Variants in XIST observed in about 807,000 individuals in gnomAD.
XIST encodes X inactive specific transcript (non-protein coding).
At chrX:73,841,658 G>T in exon 1 of XIST, 1 of 547,461 alleles carries the variant, frequency 1.8e-6, no homozygotes, top group Non-Finnish European at 3.3e-6. Flanking sequence ...ATATCCAAAA[G>T]AATATTTAAT....
exon 6 of XIST, chrX:73,825,902 T>G (rs749118483): frequency 1.8e-6 from 1 of 557,629 alleles, no homozygotes. Flanking sequence ...AAGGAAAGTA[T>G]TAAACATGCT....
At chrX:73,822,779 G>A (rs758774337) in exon 6 of XIST, 1 of 551,597 alleles carries the variant, frequency 1.8e-6, no homozygotes, top group African/African-American at 2.3e-5. Flanking sequence ...ATACTCGTAT[G>A]AACGAAAAAA....
At chrX:73,843,975 G>C in exon 1 of XIST, 2 of 558,667 alleles carry the variant, frequency 3.6e-6, no homozygotes, top group Non-Finnish European at 6.5e-6. Flanking sequence ...GAGGGAAACA[G>C]TATACCCCAC....
exon 6 of XIST, chrX:73,827,496 G>A (rs1256274311): frequency 1.9e-6 from 1 of 537,735 alleles, no homozygotes; most frequent in East Asian, 3.4e-5. Context: ...AGGCACGCAG[G>A]GGAGGAGAGA....
At chrX:73,838,234 C>T (rs1922520701) in intron 1 of XIST, among the ~76,000 whole-genome samples, 1 of 110,915 alleles carries the variant, frequency 9.0e-6, no homozygotes, top group Admixed American at 9.6e-5. Context: ...GGTAAAGTAA[C>T]ATAGATAATT....
intron 3 of XIST, among the ~76,000 whole-genome samples, chrX:73,832,757 C>G (rs968608127): frequency 9.0e-6 from 1 of 111,543 alleles, no homozygotes; most frequent in African/African-American, 3.3e-5. Flanking sequence ...CTTGCCCTTA[C>G]AGACCTCACT....
exon 1 of XIST, chrX:73,845,869 AAATAT>A (rs753387915): frequency 1.1e-5 from 6 of 555,917 alleles, no homozygotes; most frequent in Admixed American, 4.5e-5. Flanking sequence ...GAACCCAGAC[AAATAT>A]AATCACGCAC....
chrX:73,845,398 C>T lies in XIST; in HGVS notation n.7326G>A, dbSNP rs748907245. On this transcript the variant is annotated non_coding_transcript_exon_variant, in exon 1 of 6. Transcript: ENST00000429829. Reference sequence around the variant, plus strand: ...ATGGGATGGGCCATGTGCAGTTATGCACATTCATGTCCAAGGTGAGTGCCT... The same window carrying T: ...ATGGGATGGGCCATGTGCAGTTATGTACATTCATGTCCAAGGTGAGTGCCT... The T allele has an allele frequency of 9.0e-5, 50 of 555,655 alleles. No individual in the cohort carries two copies. In the East Asian group the frequency reaches 1.6e-3, roughly 18 times the overall value. 45.8% of individuals were successfully genotyped at this position (555,655 alleles called of 1,213,427 possible). A position where few individuals can be genotyped will look rare whatever the true frequency, so the allele number is the denominator to read the frequency against.
intron 5 of XIST, chrX:73,828,172 CA>C (rs1227391092): frequency 7.9e-5 from 31 of 393,522 alleles, no homozygotes; most frequent in Non-Finnish European, 1.2e-4. Flanking sequence ...ACAATAATAA[CA>C]ACCACCAATA....
exon 6 of XIST, chrX:73,821,033 T>C: frequency 1.8e-6 from 1 of 559,157 alleles, no homozygotes; most frequent in Non-Finnish European, 3.2e-6. Flanking sequence ...CCAGAAACTG[T>C]GAAAGGAAGG....
intron 5 of XIST, chrX:73,828,278 T>C (rs752417513): frequency 4.0e-6 from 1 of 251,836 alleles, no homozygotes; most frequent in Admixed American, 6.2e-5. Context: ...CTGATAGTGC[T>C]AGTGGTCACT....
In XIST at chrX:73,829,017, T is replaced by C. The variant is rs2147698435; in HGVS notation, n.11916+51A>G. The C allele has an allele frequency of 7.8e-6, 4 of 512,784 alleles. No homozygotes were observed. In the South Asian group the frequency reaches 8.5e-5, roughly 11 times the overall value. The allele number at this position is 512,784 out of a possible 1,213,427, so 42.3% of individuals were successfully genotyped here. A position where few individuals can be genotyped will look rare whatever the true frequency, so the allele number is the denominator to read the frequency against. ...AACACCAGCTCCCAAAAAACAGCTG[T>C]TATAACAGTTCTGAAGTGATCCTCA... On this transcript the variant is annotated intron_variant and non_coding_transcript_variant, in intron 5 of 5. Coordinates refer to ENST00000429829, the Ensembl canonical transcript of XIST.
rs768423110 is a variant in XIST at position 73,823,646 on chromosome X, A to G, written n.16255T>C. On this transcript the variant is annotated non_coding_transcript_exon_variant, in exon 6 of 6. Transcript: ENST00000429829. ...TTATCATCAGCACTTAAGAAACTGG[A>G]TGGAAGACCACAACACCTTGTTTTT... 10 of 556,851 alleles carry G rather than the reference A, an allele frequency of 1.8e-5. No individual in the cohort carries two copies. In the African/African-American group the frequency reaches 2.2e-4, roughly 12 times the overall value. 45.9% of individuals were successfully genotyped at this position (556,851 alleles called of 1,213,427 possible). A position where few individuals can be genotyped will look rare whatever the true frequency, so the allele number is the denominator to read the frequency against.
chrX:73,820,724 A>G, exon 6 of XIST: 1 of 556,394 alleles, frequency 1.8e-6, no homozygotes, highest in South Asian at 2.3e-5. Flanking sequence ...TGTGACATCT[A>G]GATGGCTTAA....
At chrX:73,849,807 T>C (rs1452150484) in exon 1 of XIST, 1 of 333,109 alleles carries the variant, frequency 3.0e-6, no homozygotes, top group South Asian at 2.6e-5. Context: ...CGAGAGAAGC[T>C]GGGCGGGACT....
chrX:73,829,650 C>T (rs1405360633), intron 4 of XIST, among the ~76,000 whole-genome samples: 5 of 109,212 alleles, frequency 4.6e-5, no homozygotes, highest in Non-Finnish European at 5.7e-5. Context: ...ATTAGCCGGG[C>T]GTGGTGGTGC....
chrX:73,829,325 A>G (rs1433687108), intron 4 of XIST: 2 of 447,439 alleles, frequency 4.5e-6, no homozygotes, highest in African/African-American at 4.8e-5. Flanking sequence ...GCAATAGAAA[A>G]TGTTTCCACA....
At chrX:73,822,218 T>G (rs41307371) in exon 6 of XIST, 9 of 556,815 alleles carry the variant, frequency 1.6e-5, no homozygotes, top group Non-Finnish European at 2.3e-5. Context: ...AGGGATGGAC[T>G]AGGAAAATGA....
chrX:73,845,476 G>A (rs1369787708), exon 1 of XIST: 4 of 554,461 alleles, frequency 7.2e-6, no homozygotes, highest in South Asian at 2.2e-5. Flanking sequence ...GGTATATGGA[G>A]TGGACACTCC....
Sources: gnomAD v4.1 joint callset for allele counts (sites outside exome capture counted in the v4.1 genomes callset) on GRCh38, gnomAD v4.1.1 for gene constraint, MANE v1.5 for transcripts, NCBI Gene and HGNC (gene_info 2026-07-23, HGNC 2026-07-21) for gene names.